Variants in KCNB2 observed in about 807,000 individuals in gnomAD.
KCNB2 encodes the protein delayed rectifier potassium channel protein.
A neutral mutation model predicts 61.5 loss-of-function variants in KCNB2; 15 were observed. The ratio of observed to expected loss-of-function variants is 0.24; its 90% CI spans 0.16 to 0.38. The LOEUF is 0.38. Ranked by LOEUF, KCNB2 falls within the 10% of genes least tolerant of loss-of-function variation. The pLI, the probability that KCNB2 is intolerant of heterozygous loss-of-function variation, is 1.00. For synonymous variants in KCNB2, 457 were observed against 446.0 expected (o/e 1.02, Z -0.31); for missense variants, 828 against 1,125.2 (o/e 0.74, Z 3.78).
At chr8:72,832,770 C>T (rs144469089) in intron 2 of KCNB2, among the ~76,000 whole-genome samples, 18 of 152,314 alleles carry the variant, frequency 1.2e-4, no homozygotes, top group Admixed American at 2.6e-4. Flanking sequence ...CGTATGTCCC[C>T]GTCCCACAGG....
At chr8:72,838,461 A>C (rs1350082551) in intron 2 of KCNB2, among the ~76,000 whole-genome samples, 1 of 152,212 alleles carries the variant, frequency 6.6e-6, no homozygotes, top group East Asian at 1.9e-4. Flanking sequence ...TTTTGGCTGC[A>C]TAGTATTCCA....
chr8:72,778,487 C>T (rs896154152), intron 2 of KCNB2, among the ~76,000 whole-genome samples: 16 of 151,482 alleles, frequency 1.1e-4, no homozygotes, highest in Non-Finnish European at 2.4e-4. Flanking sequence ...TCTGTAATCC[C>T]AGCCCTTTGG....
At chr8:72,807,533 C>T (rs1809244606) in intron 2 of KCNB2, among the ~76,000 whole-genome samples, 1 of 152,208 alleles carries the variant, frequency 6.6e-6, no homozygotes, top group Admixed American at 6.6e-5. Flanking sequence ...TTCTATCTGC[C>T]TTTGCATGTA....
At chr8:72,866,058 C>T (rs771046990) in intron 2 of KCNB2, among the ~76,000 whole-genome samples, 6 of 152,172 alleles carry the variant, frequency 3.9e-5, no homozygotes, top group Non-Finnish European at 7.3e-5. Context: ...CATTTCAACT[C>T]TTTGCACATT....
intron 2 of KCNB2, among the ~76,000 whole-genome samples, chr8:72,615,594 T>A (rs980499354): frequency 1.3e-5 from 2 of 152,222 alleles, no homozygotes; most frequent in Non-Finnish European, 1.5e-5. Context: ...TTTTGAAAAC[T>A]GCTGTTCTGC....
At chr8:72,729,421 C>A (rs1807704253) in intron 2 of KCNB2, among the ~76,000 whole-genome samples, 1 of 152,328 alleles carries the variant, frequency 6.6e-6, no homozygotes, top group Admixed American at 6.5e-5. Flanking sequence ...CCTGACCATA[C>A]ACGGGTTCTC....
intron 2 of KCNB2, among the ~76,000 whole-genome samples, chr8:72,911,972 G>A (rs1038904965): frequency 6.6e-6 from 1 of 152,124 alleles, no homozygotes; most frequent in Non-Finnish European, 1.5e-5. Flanking sequence ...GGGTAATAAT[G>A]GTACCAACCT....
chr8:72,866,769 C>T (rs2129004438), intron 2 of KCNB2, among the ~76,000 whole-genome samples: 2 of 152,238 alleles, frequency 1.3e-5, no homozygotes, highest in Middle Eastern at 3.4e-3. Flanking sequence ...TCAAAATTCT[C>T]ATCTCATTTA....
At chr8:72,683,632 C>A (rs764957861) in intron 2 of KCNB2, among the ~76,000 whole-genome samples, 1 of 152,160 alleles carries the variant, frequency 6.6e-6, no homozygotes, top group Non-Finnish European at 1.5e-5. Context: ...GAGAGCAGGA[C>A]ACCTTGATTG....
intron 2 of KCNB2, among the ~76,000 whole-genome samples, chr8:72,596,138 A>G (rs1292460209): frequency 6.6e-6 from 1 of 152,200 alleles, no homozygotes; most frequent in East Asian, 1.9e-4. Context: ...TATTATACCC[A>G]ATTTGTAGTT....
chr8:72,710,278 A>G (rs1046850171), intron 2 of KCNB2, among the ~76,000 whole-genome samples: 1 of 152,212 alleles, frequency 6.6e-6, no homozygotes, highest in Admixed American at 6.5e-5. Flanking sequence ...GGGCCCCTTC[A>G]AATCACATGC....
In KCNB2 at chr8:72,937,634, C is replaced by T. The variant is rs777077261; in HGVS notation, c.2279C>T (p.Thr760Ile). Residue 760 changes from threonine to isoleucine, a missense_variant, in exon 3 of 3, where the codon ACC becomes ATC. Transcript: ENST00000523207. ...QHISTILLEE[T>I]PSQGDRPLLG... Reference sequence around the variant, plus strand: ...ATCAGTACCATCCTCTTAGAAGAAACCCCCTCCCAGGGAGACAGACCCTTG... The same window carrying T: ...ATCAGTACCATCCTCTTAGAAGAAATCCCCTCCCAGGGAGACAGACCCTTG... 7.4e-6 allele frequency: 12 copies of T among 1,613,936 alleles called. No homozygotes were observed. Among genetic ancestry groups the T allele is most frequent in the Non-Finnish European group, 1.0e-5 (12 of 1,180,008 alleles).
chr8:72,620,355 C>T (rs899576472), intron 2 of KCNB2, among the ~76,000 whole-genome samples: 1 of 152,214 alleles, frequency 6.6e-6, no homozygotes, highest in Non-Finnish European at 1.5e-5. Flanking sequence ...ATAGCACATG[C>T]TGATTCAAAC....
At chr8:72,772,063 G>A (rs1215028141) in intron 2 of KCNB2, among the ~76,000 whole-genome samples, 1 of 152,130 alleles carries the variant, frequency 6.6e-6, no homozygotes, top group Admixed American at 6.5e-5. Context: ...ACACCAGTTA[G>A]GAAGCCAGCA....
At chr8:72,849,642 AATTTATAGACTTTTAAAGTGAG>A (rs1810058909) in intron 2 of KCNB2, among the ~76,000 whole-genome samples, 1 of 152,200 alleles carries the variant, frequency 6.6e-6, no homozygotes, top group Non-Finnish European at 1.5e-5. Context: ...CTCCTTTGAA[AATTTATAGACTTTTAAAGTGAG>A]AAAGTTAAGT....
At chr8:72,790,961 G>C (rs900354643) in intron 2 of KCNB2, among the ~76,000 whole-genome samples, 1 of 152,150 alleles carries the variant, frequency 6.6e-6, no homozygotes. Flanking sequence ...TTTACTGTAT[G>C]ATGAGAATGA....
chr8:72,938,032 G>A lies in KCNB2; in HGVS notation c.2677G>A (p.Glu893Lys). The A allele has an allele frequency of 9.3e-6, 15 of 1,614,070 alleles. No individual in the cohort carries two copies. The highest frequency in any genetic ancestry group is 1.3e-5 in the Non-Finnish European group (15 of 1,179,976). The stretch of plus-strand genomic sequence containing the variant: ...GATGGAAAATCACTTGTTTGCCCCA[G>A]AAATTCATTCCAACCCAGGAGACAC... ...CKMENHLFAP[E>K]IHSNPGDTGY... is the part of the protein sequence containing the mutation. Residue 893 changes from glutamate (E) to lysine (K), a missense_variant, in exon 3 of 3, where the codon GAA becomes AAA. This residue lies in a region of KCNB2 where 559 missense variants were observed against 588.4 expected (regional missense o/e 0.95). Transcript: ENST00000523207.
chr8:72,704,124 G>C (rs1222297368), intron 2 of KCNB2, among the ~76,000 whole-genome samples: 2 of 152,176 alleles, frequency 1.3e-5, no homozygotes, highest in Admixed American at 1.3e-4. Context: ...TTTGCTGCTA[G>C]AGTTAATTGA....
At chr8:72,898,622 C>T (rs182583589) in intron 2 of KCNB2, among the ~76,000 whole-genome samples, 139 of 152,196 alleles carry the variant, frequency 9.1e-4, no homozygotes, top group African/African-American at 3.1e-3. Context: ...CTATTCCTTT[C>T]CAACTTTGTT....
Sources: gnomAD v4.1 joint callset for allele counts (sites outside exome capture counted in the v4.1 genomes callset) on GRCh38, gnomAD v4.1.1 for gene constraint, gnomAD v4.1.1 regional missense constraint, MANE v1.5 for transcripts, NCBI Gene and HGNC (gene_info 2026-07-23, HGNC 2026-07-21) for gene names.